ZBTB44: variants seen among roughly 807,000 people sequenced by gnomAD.
The protein encoded by ZBTB44 is zinc finger and BTB domain containing 44.
Under a neutral mutation model 54.0 loss-of-function variants are expected in ZBTB44, and 15 were observed. The ratio of observed to expected loss-of-function variants is 0.28; its 90% confidence interval spans 0.19 to 0.43. The LOEUF (loss-of-function observed/expected upper bound fraction) is 0.43, where lower values mean the gene tolerates loss of function less well. Ranked by LOEUF, ZBTB44 falls within the 20% of genes least tolerant of loss-of-function variation. The pLI is 1.00. For missense variants in ZBTB44, 487 were observed against 707.1 expected (o/e 0.69, Z 3.53); for synonymous variants, 230 against 250.1 (o/e 0.92, Z 0.76).
chr11:130,239,963 G>A, intron 2 of ZBTB44, 67 bp from the exon 3 acceptor site: 1 of 1,118,846 alleles, frequency 8.9e-7, no homozygotes, highest in South Asian at 1.3e-5. Flanking sequence ...GTAACTGAAA[G>A]CTATATTATA....
At chr11:130,289,986 A>G (rs1434625803) in intron 1 of ZBTB44, among the ~76,000 whole-genome samples, 10 of 152,208 alleles carry the variant, frequency 6.6e-5, no homozygotes, top group Non-Finnish European at 1.2e-4. Context: ...TAAAACCCCC[A>G]AATGTCCATG....
chr11:130,287,549 G>A (rs550873690), intron 1 of ZBTB44, among the ~76,000 whole-genome samples: 9 of 152,296 alleles, frequency 5.9e-5, no homozygotes, highest in Non-Finnish European at 1.0e-4. Flanking sequence ...ATAAAATGCA[G>A]AGACATATTA....
chr11:130,251,221 G>A (rs115683681), intron 2 of ZBTB44, among the ~76,000 whole-genome samples: 2,738 of 151,448 alleles, frequency 0.018, 33 homozygotes, highest in Middle Eastern at 0.054. Context: ...TTACTGAAAT[G>A]AGGCATGAAG....
chr11:130,309,344 A>G (rs1350144115), intron 1 of ZBTB44, among the ~76,000 whole-genome samples: 1 of 152,216 alleles, frequency 6.6e-6, no homozygotes, highest in Non-Finnish European at 1.5e-5. Flanking sequence ...ACAGGAAAAC[A>G]CACTACAGGC....
chr11:130,252,125 C>T (rs1938056027), intron 2 of ZBTB44, among the ~76,000 whole-genome samples: 1 of 152,106 alleles, frequency 6.6e-6, no homozygotes, highest in Non-Finnish European at 1.5e-5. Flanking sequence ...GGGCTGCAAT[C>T]ATAGTCTCTG....
At chr11:130,237,211 C>T (rs1372722444) in intron 4 of ZBTB44, 118 bp from the exon 5 acceptor site, 1 of 1,013,704 alleles carries the variant, frequency 9.9e-7, no homozygotes, top group Non-Finnish European at 1.3e-6. Flanking sequence ...GCAAGAATTA[C>T]CAGCAAAAAC....
intron 1 of ZBTB44, among the ~76,000 whole-genome samples, chr11:130,289,610 T>G (rs1189782691): frequency 7.5e-3 from 733 of 97,154 alleles, no homozygotes; most frequent in Middle Eastern, 0.013. Context: ...AAAAAAAAGG[T>G]GGGGGTGGGG....
intron 1 of ZBTB44, chr11:130,295,878 C>G (rs1941611261): frequency 6.9e-7 from 1 of 1,443,336 alleles, no homozygotes; most frequent in Admixed American, 1.7e-5. Flanking sequence ...TAAAGACTCA[C>G]CACGTGCATA....
chr11:130,309,479 A>C (rs565472161), intron 1 of ZBTB44, among the ~76,000 whole-genome samples: 1 of 152,336 alleles, frequency 6.6e-6, no homozygotes. Flanking sequence ...TTATGAATTT[A>C]TATCAAATTT....
intron 1 of ZBTB44, among the ~76,000 whole-genome samples, chr11:130,283,035 CT>C (rs531030883): frequency 0.024 from 2,410 of 102,402 alleles, 9 homozygotes; most frequent in Middle Eastern, 0.036. Flanking sequence ...CCATTCTAAC[CT>C]TTTTTTTTTT....
intron 1 of ZBTB44, 141 bp from the exon 2 acceptor site, chr11:130,262,070 T>C (rs1938898678): frequency 3.2e-6 from 2 of 618,404 alleles, no homozygotes; most frequent in Middle Eastern, 4.3e-4. Context: ...AGGGACTGTA[T>C]AGAAATATAT....
At chr11:130,275,063 T>G (rs942417720) in intron 1 of ZBTB44, among the ~76,000 whole-genome samples, 1 of 152,218 alleles carries the variant, frequency 6.6e-6, no homozygotes, top group African/African-American at 2.4e-5. Context: ...GTCTACTGCT[T>G]CTGACATTTG....
At chr11:130,310,006 A>G (rs932394654) in intron 1 of ZBTB44, among the ~76,000 whole-genome samples, 5 of 152,076 alleles carry the variant, frequency 3.3e-5, no homozygotes, top group Non-Finnish European at 7.4e-5. Flanking sequence ...ATTTTTATGG[A>G]ATTTTTATTT....
At chr11:130,245,402 T>A (rs1365176076) in intron 2 of ZBTB44, among the ~76,000 whole-genome samples, 2 of 152,084 alleles carry the variant, frequency 1.3e-5, no homozygotes, top group African/African-American at 4.8e-5. Context: ...AAAAGAAAAA[T>A]AAACATTAAC....
chr11:130,243,275 T>G (rs760298148), intron 2 of ZBTB44, among the ~76,000 whole-genome samples: 1 of 152,262 alleles, frequency 6.6e-6, no homozygotes, highest in African/African-American at 2.4e-5. Context: ...CTTGTTTTCT[T>G]GAGTGCTCTG....
At chr11:130,312,788 C>G (rs1040963770) in intron 1 of ZBTB44, among the ~76,000 whole-genome samples, 1 of 152,180 alleles carries the variant, frequency 6.6e-6, no homozygotes, top group African/African-American at 2.4e-5. Context: ...TTTGGAACAA[C>G]TGAGGAATTT....
At position 130,302,710 on chromosome 11, in the gene ZBTB44, A is replaced by G. The variant is rs139730093; in HGVS notation, c.-57+11665T>C. 5.0e-3 allele frequency among the ~76,000 whole-genome samples: 761 copies of G among 152,394 alleles called. 8 individuals carry two copies. Among genetic ancestry groups the G allele is most frequent in the African/African-American group, 0.017 (697 of 41,600 alleles). ...AAATGAGGGCCGGGCGTGATGGCTC[A>G]CGCCTGTAATCCCAACACTTTGGGA... On this transcript the variant is annotated intron_variant, in intron 1 of 7. Coordinates refer to ENST00000357899, the MANE Select transcript of ZBTB44 (RefSeq NM_001301098.2).
chr11:130,229,666 A>T lies in ZBTB44; in HGVS notation c.*2098T>A, dbSNP rs1454095829. 1 of 152,194 alleles carries T rather than the reference A, an allele frequency of 6.6e-6. No individual in the cohort carries two copies. The highest frequency in any genetic ancestry group is 1.9e-4 in the East Asian group (1 of 5,202). The allele number at this position is 152,194 out of a possible 1,614,324, so 9.4% of individuals were successfully genotyped here. ...TATTCCTCATAGACATGTTTGCCAC[A>T]ACAGAGCTTCCTTGTTACCCCAATT... On this transcript the variant is annotated 3_prime_UTR_variant, in exon 8 of 8. Transcript: ENST00000357899.
intron 1 of ZBTB44, among the ~76,000 whole-genome samples, chr11:130,270,148 T>C (rs190575760): frequency 0.013 from 1,975 of 152,304 alleles, 48 homozygotes; most frequent in African/African-American, 0.045. Flanking sequence ...ATGGGAAAAG[T>C]TGATATTTGA....
Sources: allele counts gnomAD v4.1 joint callset (sites outside exome capture counted in the v4.1 genomes callset), GRCh38; gene constraint gnomAD v4.1.1; transcripts MANE v1.5; gene names NCBI Gene and HGNC (gene_info 2026-07-23, HGNC 2026-07-21).